The following CRACD variants were observed in gnomAD, a reference collection of about 807,000 sequenced individuals.
The protein encoded by CRACD is capping protein-inhibiting regulator of actin dynamics.
In CRACD, 56 loss-of-function variants were observed where a neutral mutation model predicts 106.8. The observed-to-expected ratio is 0.52, with a 90% CI of 0.42 to 0.66. The LOEUF (loss-of-function observed/expected upper bound fraction) is 0.66, where lower values mean the gene tolerates loss of function less well. Among genes scored for constraint, CRACD ranks in the 30% least tolerant of loss-of-function variants. The probability of loss-of-function intolerance (pLI) is 0.00; values close to 1 mark genes in which losing one functional copy is unlikely to be tolerated. For missense variants in CRACD, 1,730 were observed against 1,623.2 expected, an observed-to-expected ratio of 1.07 and a Z score of -1.13; for synonymous variants, 754 against 670.8, an observed-to-expected ratio of 1.12 and a Z score of -1.92.
intron 2 of CRACD, among the ~76,000 whole-genome samples, chr4:56,213,230 T>A (rs1199258949): frequency 6.6e-6 from 1 of 152,154 alleles, no homozygotes; most frequent in Non-Finnish European, 1.5e-5. Flanking sequence ...GTGGATCACC[T>A]GAGGTTGGGA....
intron 4 of CRACD, among the ~76,000 whole-genome samples, chr4:56,300,468 A>T (rs1174668509): frequency 6.6e-6 from 1 of 152,224 alleles, no homozygotes; most frequent in Non-Finnish European, 1.5e-5. Flanking sequence ...TAGAAAAAGC[A>T]AGCTGTGACT....
intron 2 of CRACD, among the ~76,000 whole-genome samples, chr4:56,190,493 A>C (rs918570374): frequency 6.6e-6 from 1 of 152,194 alleles, no homozygotes; most frequent in Non-Finnish European, 1.5e-5. Context: ...TATTTCTTGA[A>C]AATGTTTATG....
At chr4:56,227,946 T>C (rs1310691222) in intron 2 of CRACD, among the ~76,000 whole-genome samples, 1 of 152,192 alleles carries the variant, frequency 6.6e-6, no homozygotes, top group Non-Finnish European at 1.5e-5. Flanking sequence ...ACCTGTAGTT[T>C]AGACCTGGCT....
At chr4:56,266,808 G>A (rs1742047883) in intron 2 of CRACD, among the ~76,000 whole-genome samples, 1 of 152,128 alleles carries the variant, frequency 6.6e-6, no homozygotes, top group African/African-American at 2.4e-5. Flanking sequence ...TTTATCTAGT[G>A]GTTGCTAATA....
chr4:56,135,146 C>G (rs1486589109), intron 1 of CRACD, among the ~76,000 whole-genome samples: 2 of 152,200 alleles, frequency 1.3e-5, no homozygotes, highest in Non-Finnish European at 2.9e-5. Flanking sequence ...ATCAACCAGG[C>G]CTGGCGGTAT....
intron 4 of CRACD, among the ~76,000 whole-genome samples, chr4:56,304,345 T>C (rs577607684): frequency 3.3e-5 from 5 of 152,154 alleles, no homozygotes; most frequent in African/African-American, 1.2e-4. Context: ...CCATGTTCTC[T>C]TTTCTGTTTG....
intron 1 of CRACD, among the ~76,000 whole-genome samples, chr4:56,066,634 G>C (rs375545131): frequency 5.3e-5 from 8 of 152,174 alleles, no homozygotes; most frequent in Admixed American, 5.2e-4. Flanking sequence ...AGAGAAGCAG[G>C]TGGCAGGTAG....
intron 2 of CRACD, among the ~76,000 whole-genome samples, chr4:56,259,493 G>A (rs533422578): frequency 1.1e-4 from 17 of 152,152 alleles, no homozygotes; most frequent in Non-Finnish European, 2.2e-4. Flanking sequence ...TAAGTAGGAG[G>A]TGGGGAACAG....
intron 2 of CRACD, among the ~76,000 whole-genome samples, chr4:56,247,449 G>T (rs1740746861): frequency 6.6e-6 from 1 of 152,204 alleles, no homozygotes; most frequent in Non-Finnish European, 1.5e-5. Context: ...CTAAAGAAAA[G>T]TCCACTTTGG....
chr4:56,111,948 C>G (rs1030961280), intron 1 of CRACD, among the ~76,000 whole-genome samples: 2 of 152,228 alleles, frequency 1.3e-5, no homozygotes, highest in African/African-American at 4.8e-5. Context: ...CACGACCATG[C>G]ATACATTACA....
At chr4:56,304,577 C>T (rs528223664) in intron 4 of CRACD, among the ~76,000 whole-genome samples, 31 of 151,956 alleles carry the variant, frequency 2.0e-4, no homozygotes, top group Admixed American at 2.0e-3. Context: ...TAGGAGTTCC[C>T]GACCAGCCTG....
chr4:56,235,182 C>T (rs777359925), intron 2 of CRACD, among the ~76,000 whole-genome samples: 1 of 152,074 alleles, frequency 6.6e-6, no homozygotes, highest in Non-Finnish European at 1.5e-5. Flanking sequence ...GTAAAAACAC[C>T]TGTTAAGTCT....
chr4:56,071,916 A>T (rs1389439617), intron 1 of CRACD, among the ~76,000 whole-genome samples: 1 of 151,810 alleles, frequency 6.6e-6, no homozygotes, highest in Non-Finnish European at 1.5e-5. Flanking sequence ...TCATGAGGTC[A>T]GGAGATCGAG....
chr4:56,211,211 T>C (rs1738385325), intron 2 of CRACD, among the ~76,000 whole-genome samples: 1 of 152,224 alleles, frequency 6.6e-6, no homozygotes, highest in South Asian at 2.1e-4. Flanking sequence ...AATACTTATG[T>C]CAGAGGCATT....
At chr4:56,313,492 A>T (rs1037705393) in intron 7 of CRACD, 113 bp downstream of exon 7, 2 of 856,656 alleles carry the variant, frequency 2.3e-6, no homozygotes, top group African/African-American at 1.7e-5. Flanking sequence ...GAGTCTCCCC[A>T]TCGGGAACTT....
At chr4:56,150,806 T>G (rs1166483104) in intron 1 of CRACD, among the ~76,000 whole-genome samples, 1 of 152,178 alleles carries the variant, frequency 6.6e-6, no homozygotes, top group Non-Finnish European at 1.5e-5. Context: ...TATTTTCAGT[T>G]TTTGATTCTT....
intron 2 of CRACD, among the ~76,000 whole-genome samples, chr4:56,257,377 T>C (rs4865084): frequency 0.46 from 69,887 of 151,758 alleles, 16,350 homozygotes; most frequent in East Asian, 0.7. Context: ...CCACCGTGCC[T>C]GGCCTTGATG....
chr4:56,052,680 G>A (rs1731915871), intron 1 of CRACD, among the ~76,000 whole-genome samples: 1 of 152,162 alleles, frequency 6.6e-6, no homozygotes, highest in South Asian at 2.1e-4. Flanking sequence ...GTTTACATTT[G>A]ATAATTGAAA....
chr4:56,147,962 A>G (rs771966669), intron 1 of CRACD, among the ~76,000 whole-genome samples: 4 of 152,202 alleles, frequency 2.6e-5, no homozygotes, highest in East Asian at 1.9e-4. Flanking sequence ...CCCTAACCCA[A>G]TATGACTTGT....
Sources: allele counts gnomAD v4.1 joint callset (sites outside exome capture counted in the v4.1 genomes callset), GRCh38; gene constraint gnomAD v4.1.1; transcripts MANE v1.5; gene names NCBI Gene and HGNC (gene_info 2026-07-23, HGNC 2026-07-21).